The following MGAT5B variants were observed in gnomAD, a reference collection of about 807,000 sequenced individuals.
The protein encoded by MGAT5B is N-acetylglucosaminyl-transferase Vb.
In MGAT5B, 54 loss-of-function variants were observed where a neutral mutation model predicts 95.1. That is an observed-to-expected ratio of 0.57 (90% confidence interval 0.46 to 0.71). The LOEUF is 0.71. MGAT5B is among the 30% of genes least tolerant of loss of function. MGAT5B has a pLI of 0.00. For synonymous variants in MGAT5B, 464 were observed against 451.0 expected, an observed-to-expected ratio of 1.03 and a Z score of -0.36; for missense variants, 935 against 1,088.6, an observed-to-expected ratio of 0.86 and a Z score of 1.99.
At chr17:76,873,105 C>A in intron 2 of MGAT5B, 142 bp downstream of exon 2, 1 of 889,218 alleles carries the variant, frequency 1.1e-6, no homozygotes, top group South Asian at 1.7e-5. Flanking sequence ...GGGCTTGGGC[C>A]GTATGACCCT....
chr17:76,925,174 C>T (rs957034866), intron 9 of MGAT5B, 77 bp downstream of exon 9: 19 of 1,582,748 alleles, frequency 1.2e-5, no homozygotes, highest in African/African-American at 8.2e-5. Context: ...CCTGCCCCCA[C>T]GTCCCCACTC....
chr17:76,949,392 A>T lies in MGAT5B; in HGVS notation c.*554A>T, dbSNP rs1417973086. 1 of 154,412 alleles carries T rather than the reference A, an allele frequency of 6.5e-6. No homozygotes were observed. The highest frequency in any genetic ancestry group is 2.4e-5 in the African/African-American group (1 of 41,432). The allele number at this position is 154,412 out of a possible 1,614,324, so 9.6% of individuals were successfully genotyped here. On this transcript the variant is annotated 3_prime_UTR_variant, in exon 18 of 18. Coordinates refer to ENST00000569840, the MANE Select transcript of MGAT5B (RefSeq NM_001199172.2). The stretch of plus-strand genomic sequence containing the variant: ...GAGGGGAGCCAGGCACACAGGGCCC[A>T]TTGGTGTTTGGGATGTGGACAGAGG...
chr17:76,903,526 C>T, intron 5 of MGAT5B, 150 bp downstream of exon 5: 1 of 522,276 alleles, frequency 1.9e-6, no homozygotes. Flanking sequence ...CAATCCAAAT[C>T]CCCCAGAAAG....
At chr17:76,895,163 A>C (rs1378033979) in intron 3 of MGAT5B, among the ~76,000 whole-genome samples, 2 of 151,956 alleles carry the variant, frequency 1.3e-5, no homozygotes, top group East Asian at 3.9e-4. Flanking sequence ...CCTATTGTGA[A>C]CTGCACATGT....
In MGAT5B at chr17:76,940,145, T is replaced by A. The variant is rs1402206412; in HGVS notation, c.1585-257T>A. ...GCAAGAAGAGACCATTGATAATACCTAATTAGACCCCCTTATTTCACAAAT... is the reference window on the plus strand; with the variant it reads ...GCAAGAAGAGACCATTGATAATACCAAATTAGACCCCCTTATTTCACAAAT... On this transcript the variant is annotated intron_variant, in intron 13 of 17. Transcript: ENST00000569840. The surrounding 1 kb of genome is among the most constrained non-coding windows in gnomAD (Gnocchi z 4.3). 6.6e-6 allele frequency among the ~76,000 whole-genome samples: 1 copy of A among 152,144 alleles called. No individual in the cohort carries two copies. The highest frequency in any genetic ancestry group is 2.4e-5 in the African/African-American group (1 of 41,422).
chr17:76,920,887 T>G (rs1969105253), intron 8 of MGAT5B, among the ~76,000 whole-genome samples: 1 of 152,190 alleles, frequency 6.6e-6, no homozygotes, highest in Non-Finnish European at 1.5e-5. Flanking sequence ...AAACCAGTTC[T>G]TCTCATCTAC....
intron 2 of MGAT5B, among the ~76,000 whole-genome samples, chr17:76,875,633 T>C (rs1331643064): frequency 1.3e-5 from 2 of 148,410 alleles, no homozygotes; most frequent in African/African-American, 5.0e-5. Flanking sequence ...CTATCTTGTA[T>C]GCGGTTGTAG....
In MGAT5B at chr17:76,930,140, C is replaced by CCA. The variant is rs1171640511; in HGVS notation, c.1292-2504_1292-2503dup. ...CACCCACAGAAAGAACTCCAGGCTT[C>CCA]CAGGGCTCCTCCTGACCCTCCCAAA... On this transcript the variant is annotated intron_variant, in intron 10 of 17. Transcript: ENST00000569840. This position sits in a 1 kb window ranked among gnomAD's most constrained non-coding sequence, Gnocchi z 4.1. Among the ~76,000 whole-genome samples, 1 of 152,112 alleles carries CCA rather than the reference C, an allele frequency of 6.6e-6. No homozygotes were observed. The highest frequency in any genetic ancestry group is 1.5e-5 in the Non-Finnish European group (1 of 68,014).
At chr17:76,943,431 C>T (rs1462106792) in intron 15 of MGAT5B, among the ~76,000 whole-genome samples, 2 of 152,010 alleles carry the variant, frequency 1.3e-5, no homozygotes, top group Non-Finnish European at 2.9e-5. Flanking sequence ...CATTTATGTG[C>T]CCAAGAGTCA....
chr17:76,937,457 G>A (rs1969712947), intron 12 of MGAT5B, among the ~76,000 whole-genome samples: 1 of 151,942 alleles, frequency 6.6e-6, no homozygotes, highest in Admixed American at 6.6e-5. Context: ...ATGGATGGGT[G>A]AATGGATGGA....
rs1462230566 is a variant in MGAT5B at position 76,880,808 on chromosome 17, G to T, written c.182-1343G>T. On this transcript the variant is annotated intron_variant, in intron 2 of 17. Coordinates refer to ENST00000569840, the MANE Select transcript of MGAT5B (RefSeq NM_001199172.2). ...TGGGCGCCCGGGTGGTAATATTCTC[G>T]GCAGTGCAGCTTTCCACAGCTTCCC... Among the ~76,000 whole-genome samples, 5 of 152,114 alleles carry T rather than the reference G, an allele frequency of 3.3e-5. No homozygotes were observed. The South Asian group carries it at 6.2e-4, about 19-fold the overall frequency.
rs112551194 is a variant in MGAT5B, at chr17:76,916,203, T to C, written c.1026-8763T>C. ...CACTGCCCTGGCCCCTGCCCTTCAT[T>C]CTTCCTCGGGATCCAGGAGAGACCC... is the stretch of plus-strand genomic sequence containing the variant. On this transcript the variant is annotated intron_variant, in intron 8 of 17. Coordinates refer to ENST00000569840, the MANE Select transcript of MGAT5B (RefSeq NM_001199172.2). This position sits in a 1 kb window ranked among gnomAD's most constrained non-coding sequence, Gnocchi z 5.3. 0.014 allele frequency among the ~76,000 whole-genome samples: 2,101 copies of C among 149,336 alleles called. 44 individuals are homozygous for C. The highest frequency in any genetic ancestry group is 0.051 in the African/African-American group (1,992 of 39,370).
intron 16 of MGAT5B, among the ~76,000 whole-genome samples, chr17:76,947,486 G>A (rs1329233193): frequency 6.6e-6 from 1 of 152,104 alleles, no homozygotes; most frequent in African/African-American, 2.4e-5. Context: ...TGGAGGGCAG[G>A]GCTCGTGGGC....
intron 5 of MGAT5B, 77 bp from the exon 6 acceptor site, chr17:76,904,175 G>A: frequency 7.0e-7 from 1 of 1,435,008 alleles, no homozygotes; most frequent in South Asian, 1.3e-5. Context: ...AGGACCCCTG[G>A]GGGTGCACGT....
At chr17:76,903,659 C>T (rs545978659) in intron 5 of MGAT5B, among the ~76,000 whole-genome samples, 1 of 152,350 alleles carries the variant, frequency 6.6e-6, no homozygotes, top group South Asian at 2.1e-4. Context: ...CCCTGCTCCT[C>T]CTGGCCCAGC....
chr17:76,948,715 G>T lies in MGAT5B; in HGVS notation c.2256G>T (p.Glu752Asp). 1 of 1,613,396 alleles carries T rather than the reference G, an allele frequency of 6.2e-7. No homozygotes were observed. The highest frequency in any genetic ancestry group is 8.5e-7 in the Non-Finnish European group (1 of 1,179,842). The change falls in exon 18 of 18, where the codon GAG becomes GAT. Residue 752 changes from glutamate (E) to aspartate (D), a missense_variant. By Grantham distance (45) the Glu-to-Asp change is conservative (BLOSUM62 2). Around this residue, in one of 4 missense-constraint regions of MGAT5B, gnomAD observed 440 missense variants for 523.6 expected, o/e 0.84. Transcript: ENST00000569840. ...CGGCGTTCGCCCAGCCTGGCCAGGAGTGCTACCTGCAGAAGGAGCCTCTGC... is the reference window on the plus strand; with the variant it reads ...CGGCGTTCGCCCAGCCTGGCCAGGATTGCTACCTGCAGAAGGAGCCTCTGC... ...LYPAFAQPGQ[E>D]CYLQKEPLLF...
At chr17:76,879,228 T>A (rs1598892555) in intron 2 of MGAT5B, among the ~76,000 whole-genome samples, 2 of 151,978 alleles carry the variant, frequency 1.3e-5, no homozygotes, top group African/African-American at 4.8e-5. Flanking sequence ...AAGCTTGGGG[T>A]GGGCTTGGAG....
At chr17:76,887,873 A>G (rs1241042450) in intron 3 of MGAT5B, among the ~76,000 whole-genome samples, 1 of 151,644 alleles carries the variant, frequency 6.6e-6, no homozygotes, top group Non-Finnish European at 1.5e-5. Context: ...GGTCTTTCTA[A>G]GTCATCAATA....
intron 15 of MGAT5B, among the ~76,000 whole-genome samples, chr17:76,942,475 C>G (rs910550680): frequency 6.6e-6 from 1 of 151,938 alleles, no homozygotes; most frequent in Non-Finnish European, 1.5e-5. Flanking sequence ...TACAGTGAGC[C>G]GAGATCATGC....
Sources: gnomAD v4.1 joint callset for allele counts (sites outside exome capture counted in the v4.1 genomes callset) on GRCh38, gnomAD v4.1.1 for gene constraint, gnomAD v4.1.1 regional missense constraint, Gnocchi (gnomAD v3.1) non-coding constraint, MANE v1.5 for transcripts, NCBI Gene and HGNC (gene_info 2026-07-23, HGNC 2026-07-21) for gene names.